Variants in BMPR1A observed in about 807,000 individuals in gnomAD.
BMPR1A encodes the protein bone morphogenetic protein receptor type-1A.
A neutral mutation model predicts 66.0 loss-of-function variants in BMPR1A; 7 were observed. The ratio of observed to expected loss-of-function variants is 0.11; its 90% CI spans 0.06 to 0.20. The LOEUF is 0.20. Among genes scored for constraint, BMPR1A ranks in the 10% least tolerant of loss-of-function variants. BMPR1A has a pLI of 1.00. For synonymous variants in BMPR1A, 200 were observed against 229.7 expected (o/e 0.87, Z 1.17); for missense variants, 408 against 669.1 (o/e 0.61, Z 4.31).
intron 1 of BMPR1A, among the ~76,000 whole-genome samples, chr10:86,837,938 C>T (rs1290902954): frequency 6.6e-6 from 1 of 152,174 alleles, no homozygotes; most frequent in East Asian, 1.9e-4. Context: ...TAGTCATTAT[C>T]GCCAAGACTG....
In BMPR1A at chr10:86,921,661, C is replaced by T. The variant is rs1554891351; in HGVS notation, c.1308C>T (p.Ile436=). 1 of 1,614,188 alleles carries T rather than the reference C, an allele frequency of 6.2e-7. No individual in the cohort carries two copies. Among genetic ancestry groups the T allele is most frequent in the Non-Finnish European group, 8.5e-7 (1 of 1,180,038 alleles). Residue 436 remains isoleucine, a synonymous_variant, in exon 11 of 13, where the codon ATC becomes ATT. Coordinates refer to ENST00000372037, the MANE Select transcript of BMPR1A (RefSeq NM_004329.3). The part of the protein sequence containing the change: ...IMADIYSFGL[I]IWEMARRCIT... ...CTGACATCTACAGCTTCGGCCTAAT[C>T]ATTTGGGAGATGGCTCGTCGTTGTA... is the stretch of plus-strand genomic sequence containing the variant.
chr10:86,867,374 T>G (rs1361632844), intron 2 of BMPR1A, among the ~76,000 whole-genome samples: 1 of 152,224 alleles, frequency 6.6e-6, no homozygotes, highest in Non-Finnish European at 1.5e-5. Flanking sequence ...CTTGTACCCA[T>G]TGTATGCCTA....
chr10:86,870,745 C>A (rs916434815), intron 2 of BMPR1A, among the ~76,000 whole-genome samples: 2 of 152,014 alleles, frequency 1.3e-5, no homozygotes, highest in African/African-American at 4.8e-5. Flanking sequence ...TGAAGTATAG[C>A]ATGAGTCCAT....
At chr10:86,758,387 C>G (rs1228195935) in intron 1 of BMPR1A, among the ~76,000 whole-genome samples, 2 of 114,514 alleles carry the variant, frequency 1.7e-5, no homozygotes, top group South Asian at 2.8e-4. Flanking sequence ...TTTTTTTTGT[C>G]TTTCTTATTA....
chr10:86,789,222 A>T (rs1841563261), intron 1 of BMPR1A, among the ~76,000 whole-genome samples: 1 of 152,206 alleles, frequency 6.6e-6, no homozygotes, highest in African/African-American at 2.4e-5. Context: ...AATCTTGGTG[A>T]CCTTGGATTA....
At chr10:86,874,744 G>T (rs1352582160) in intron 2 of BMPR1A, among the ~76,000 whole-genome samples, 1 of 118,988 alleles carries the variant, frequency 8.4e-6, no homozygotes, top group Non-Finnish European at 1.7e-5. Flanking sequence ...TTGAGATGGA[G>T]TCTCGCTCTG....
At chr10:86,772,574 AAAAG>A (rs1169699461) in intron 1 of BMPR1A, among the ~76,000 whole-genome samples, 2 of 152,184 alleles carry the variant, frequency 1.3e-5, no homozygotes, top group Non-Finnish European at 2.9e-5. Flanking sequence ...AACAAGAAGA[AAAAG>A]AGAGTCAGTT....
chr10:86,846,011 T>C (rs76509992), intron 2 of BMPR1A, among the ~76,000 whole-genome samples: 1 of 151,014 alleles, frequency 6.6e-6, no homozygotes, highest in Non-Finnish European at 1.5e-5. Context: ...AAAAAAAAAT[T>C]ATATATATAT....
chr10:86,759,218 A>T (rs1052050779), intron 1 of BMPR1A, among the ~76,000 whole-genome samples: 2 of 152,116 alleles, frequency 1.3e-5, no homozygotes, highest in Admixed American at 6.6e-5. Flanking sequence ...GTGACATTAT[A>T]CTGACTTTGT....
chr10:86,861,137 G>C (rs528504097), intron 2 of BMPR1A, among the ~76,000 whole-genome samples: 1 of 152,064 alleles, frequency 6.6e-6, no homozygotes, highest in South Asian at 2.1e-4. Flanking sequence ...CACCGCGCCT[G>C]GCCTAGAACT....
chr10:86,813,779 G>A (rs567613420), intron 1 of BMPR1A, among the ~76,000 whole-genome samples: 12 of 152,030 alleles, frequency 7.9e-5, no homozygotes, highest in African/African-American at 2.9e-4. Flanking sequence ...ACTATTTAGC[G>A]CTCACCTCTA....
intron 1 of BMPR1A, among the ~76,000 whole-genome samples, chr10:86,770,163 C>T (rs555282286): frequency 1.6e-4 from 24 of 152,312 alleles, no homozygotes; most frequent in African/African-American, 4.3e-4. Context: ...TGGTGGCGGG[C>T]GCCTGTGGTC....
chr10:86,844,412 G>A (rs559298707), intron 2 of BMPR1A, among the ~76,000 whole-genome samples: 5 of 152,150 alleles, frequency 3.3e-5, no homozygotes, highest in East Asian at 1.9e-4. Flanking sequence ...TAGAATTACC[G>A]CTTAAGGAAT....
downstream of BMPR1A, chr10:86,931,556 C>A (rs1178935257): frequency 6.6e-6 from 1 of 151,694 alleles, no homozygotes. Flanking sequence ...TGTCCTCATA[C>A]TTGGCTAGGA....
chr10:86,822,432 T>A (rs1589732412), intron 1 of BMPR1A, among the ~76,000 whole-genome samples: 1 of 152,272 alleles, frequency 6.6e-6, no homozygotes, highest in East Asian at 1.9e-4. Context: ...TACTCACGGA[T>A]CTGTACAACC....
chr10:86,785,711 G>A (rs1335370411), intron 1 of BMPR1A, among the ~76,000 whole-genome samples: 1 of 152,212 alleles, frequency 6.6e-6, no homozygotes, highest in African/African-American at 2.4e-5. Context: ...ATTGAAAGTG[G>A]GGATACTGAA....
At chr10:86,783,163 A>G (rs542156366) in intron 1 of BMPR1A, among the ~76,000 whole-genome samples, 1 of 152,248 alleles carries the variant, frequency 6.6e-6, no homozygotes, top group South Asian at 2.1e-4. Flanking sequence ...TCATCATTTG[A>G]CCACATACAC....
intron 1 of BMPR1A, among the ~76,000 whole-genome samples, chr10:86,759,686 T>C (rs778528477): frequency 2.0e-5 from 3 of 152,216 alleles, no homozygotes; most frequent in Non-Finnish European, 4.4e-5. Context: ...AGTCAAATCA[T>C]AAAACGAGTT....
At chr10:86,813,686 C>T (rs960977136) in intron 1 of BMPR1A, among the ~76,000 whole-genome samples, 5 of 152,150 alleles carry the variant, frequency 3.3e-5, no homozygotes, top group African/African-American at 1.2e-4. Flanking sequence ...CCATATATCA[C>T]CAGGGCATGT....
Sources: allele counts gnomAD v4.1 joint callset (sites outside exome capture counted in the v4.1 genomes callset), GRCh38; gene constraint gnomAD v4.1.1; transcripts MANE v1.5; gene names NCBI Gene and HGNC (gene_info 2026-07-23, HGNC 2026-07-21).